Variants in PSMB1 observed in about 807,000 individuals in gnomAD.
PSMB1 encodes the protein proteasome subunit beta type-1.
Under a neutral mutation model 25.4 loss-of-function variants are expected in PSMB1, and 7 were observed. The observed-to-expected ratio is 0.28, with a 90% confidence interval of 0.16 to 0.52. The LOEUF is 0.52. PSMB1 is among the 20% of genes least tolerant of loss of function. The pLI is 0.97. For missense variants in PSMB1, 284 were observed against 302.2 expected (o/e 0.94, Z 0.45); for synonymous variants, 119 against 115.0 (o/e 1.03, Z -0.22).
At chr6:170,547,945 G>A (rs1778842167) in intron 2 of PSMB1, among the ~76,000 whole-genome samples, 1 of 148,446 alleles carries the variant, frequency 6.7e-6, no homozygotes, top group Non-Finnish European at 1.5e-5. Flanking sequence ...TTTAAAAGAT[G>A]AGTAAAAGCT....
chr6:170,549,336 T>C (rs1035887588), intron 1 of PSMB1: 5 of 469,602 alleles, frequency 1.1e-5, no homozygotes, highest in Admixed American at 3.8e-5. Context: ...AAAGTCTCCT[T>C]GGCAGGAGTT....
intron 4 of PSMB1, 58 bp from the exon 5 acceptor site, chr6:170,537,398 G>A (rs750396186): frequency 8.0e-6 from 11 of 1,381,608 alleles, no homozygotes; most frequent in East Asian, 2.3e-5. Context: ...CCAAATCATC[G>A]CAAAAATAAA....
chr6:170,549,100 T>G lies in PSMB1; in HGVS notation c.127A>C (p.Ile43Leu). The change falls in exon 2 of 6, where the codon ATT (isoleucine) becomes CTT (leucine). Residue 43 changes from isoleucine (I) to leucine (L), a missense_variant. By Grantham distance (5) the Ile-to-Leu change is conservative. Transcript: ENST00000262193. ...ACAATTGCAAAATCTTCTCCAGCAA[T>G]TGCCAGTATAGTACTGAGGAAAAAA... ...YVFNGGTILA[I>L]AGEDFAIVAS... 6.2e-7 allele frequency: 1 copy of G among 1,612,298 alleles called. No homozygotes were observed. The highest frequency in any genetic ancestry group is 8.5e-7 in the Non-Finnish European group (1 of 1,178,606).
intron 4 of PSMB1, among the ~76,000 whole-genome samples, chr6:170,538,389 A>C (rs1778719352): frequency 6.6e-6 from 1 of 152,194 alleles, no homozygotes. Context: ...TTAGCTTTGT[A>C]TGTTTTCTAC....
intron 3 of PSMB1, 142 bp from the exon 4 acceptor site, chr6:170,543,872 A>T: frequency 6.8e-6 from 6 of 876,796 alleles, no homozygotes; most frequent in Non-Finnish European, 9.7e-6. Context: ...ATCAACCAAC[A>T]CAGTATTACT....
intron 1 of PSMB1, chr6:170,550,348 T>G (rs1431031003): frequency 6.6e-6 from 1 of 152,232 alleles, no homozygotes; most frequent in Non-Finnish European, 1.5e-5. Context: ...AAGGTTTATG[T>G]GATGGACAGG....
At chr6:170,546,406 T>G (rs1482809053) in intron 2 of PSMB1, among the ~76,000 whole-genome samples, 1 of 152,192 alleles carries the variant, frequency 6.6e-6, no homozygotes, top group East Asian at 1.9e-4. Flanking sequence ...ATGAATGGAC[T>G]AAATAAATCA....
Position 170,548,191 on chromosome 6 carries a change from C to T in PSMB1, c.221+815G>A, listed in dbSNP as rs77390375. 9.7e-4 allele frequency among the ~76,000 whole-genome samples: 148 copies of T among 152,276 alleles called. 1 individual carries two copies. Among genetic ancestry groups the T allele is most frequent in the African/African-American group, 3.2e-3 (134 of 41,556 alleles). On this transcript the variant is annotated intron_variant, in intron 2 of 5. Transcript: ENST00000262193. ...CCATCCCTAGGAGCAGGAAAGACAA[C>T]GTATCTTTTCTTCTGTACCTACTTC...
chr6:170,548,532 T>TA (rs553638412), intron 2 of PSMB1, among the ~76,000 whole-genome samples: 24 of 151,954 alleles, frequency 1.6e-4, no homozygotes, highest in East Asian at 3.8e-4. Flanking sequence ...GAGGCAGATT[T>TA]AAAAAAAATA....
chr6:170,545,751 C>T (rs573868272), intron 3 of PSMB1, among the ~76,000 whole-genome samples: 3 of 152,330 alleles, frequency 2.0e-5, no homozygotes, highest in African/African-American at 7.2e-5. Context: ...GCAAACCAAG[C>T]TCCTGTGTCA....
intron 1 of PSMB1, 119 bp from the exon 2 acceptor site, chr6:170,549,232 C>A: frequency 3.8e-6 from 2 of 524,952 alleles, no homozygotes; most frequent in South Asian, 3.3e-5. Flanking sequence ...AAACATGATT[C>A]AAATGGGAAG....
rs1778775556 is a variant in PSMB1, at chr6:170,543,107, A to G, written c.433+494T>C. The stretch of plus-strand genomic sequence containing the variant: ...CAAAAATGGGATGGAATATTAAGTA[A>G]CAAGACTTAATATTCTCAGGGAATC... On this transcript the variant is annotated intron_variant, in intron 4 of 5. Coordinates refer to ENST00000262193, the MANE Select transcript of PSMB1 (RefSeq NM_002793.4). Among the ~76,000 whole-genome samples, 8 of 152,186 alleles carry G rather than the reference A, an allele frequency of 5.3e-5. No individual in the cohort carries two copies. The South Asian group carries it at 1.4e-3, about 28-fold the overall frequency.
At chr6:170,548,158 G>A (rs1778844990) in intron 2 of PSMB1, among the ~76,000 whole-genome samples, 2 of 152,212 alleles carry the variant, frequency 1.3e-5, no homozygotes, top group Non-Finnish European at 1.5e-5. Context: ...TGCTTTTTAA[G>A]ATGTGGGCCA....
At position 170,548,089 on chromosome 6, in the gene PSMB1, G is replaced by T. The variant is rs141142151; in HGVS notation, c.221+917C>A. Reference sequence around the variant, plus strand: ...GCACCATAAACAGAAAGCAGAAAGGGGGTATCAAAAGATGCAAGTGGAGAG... The same window carrying T: ...GCACCATAAACAGAAAGCAGAAAGGTGGTATCAAAAGATGCAAGTGGAGAG... On this transcript the variant is annotated intron_variant, in intron 2 of 5. Transcript: ENST00000262193. Among the ~76,000 whole-genome samples, 429 of 152,274 alleles carry T rather than the reference G, an allele frequency of 2.8e-3. 4 individuals carry two copies. The highest frequency in any genetic ancestry group is 0.011 in the East Asian group (58 of 5,188).
intron 1 of PSMB1, 173 bp from the exon 2 acceptor site, chr6:170,549,286 G>C (rs574781190): frequency 6.0e-6 from 3 of 501,178 alleles, no homozygotes; most frequent in African/African-American, 3.9e-5. Flanking sequence ...GCTACGAGTT[G>C]TCTGGGAAAA....
chr6:170,540,920 G>A (rs543298382), intron 4 of PSMB1, among the ~76,000 whole-genome samples: 2 of 152,084 alleles, frequency 1.3e-5, no homozygotes, highest in East Asian at 3.9e-4. Context: ...TTGTGGAGAA[G>A]GTGCAGAGGG....
chr6:170,548,459 G>A (rs1449784506), intron 2 of PSMB1, among the ~76,000 whole-genome samples: 1 of 151,850 alleles, frequency 6.6e-6, no homozygotes, highest in Non-Finnish European at 1.5e-5. Context: ...AAACTGAGCT[G>A]TGGACATAAT....
chr6:170,546,297 GACAA>G (rs1164880664), intron 2 of PSMB1, 113 bp from the exon 3 acceptor site: 7 of 805,498 alleles, frequency 8.7e-6, no homozygotes, highest in East Asian at 2.7e-5. Flanking sequence ...ATGGTAATGG[GACAA>G]ACAGTCACCC....
intron 2 of PSMB1, 29 bp downstream of exon 2, chr6:170,548,977 G>A (rs1472665945): frequency 6.9e-7 from 1 of 1,450,560 alleles, no homozygotes; most frequent in Admixed American, 1.7e-5. Context: ...CAAAGGCATT[G>A]TGAAATGTCT....
Sources: allele counts gnomAD v4.1 joint callset (sites outside exome capture counted in the v4.1 genomes callset), GRCh38; gene constraint gnomAD v4.1.1; transcripts MANE v1.5; gene names NCBI Gene and HGNC (gene_info 2026-07-23, HGNC 2026-07-21).